CSMD3: variants seen among roughly 807,000 people sequenced by gnomAD.
CSMD3 encodes the protein CUB and Sushi multiple domains 3.
A neutral mutation model predicts 435.2 loss-of-function variants in CSMD3; 177 were observed. That is an observed-to-expected ratio of 0.41 (90% CI 0.36 to 0.46). The LOEUF (loss-of-function observed/expected upper bound fraction) is 0.46, where lower values mean the gene tolerates loss of function less well. Ranked by LOEUF, CSMD3 falls within the 20% of genes least tolerant of loss-of-function variation. The pLI is 0.34. For synonymous variants in CSMD3, 1,656 were observed against 1,520.5 expected (o/e 1.09, Z -2.07); for missense variants, 4,265 against 4,504.6 (o/e 0.95, Z 1.52).
chr8:112,577,028 G>T (rs1036010060), intron 23 of CSMD3, among the ~76,000 whole-genome samples: 4 of 151,922 alleles, frequency 2.6e-5, no homozygotes, highest in African/African-American at 4.8e-5. Flanking sequence ...GAGTCAAAAG[G>T]TAGAAAACAA....
At chr8:112,917,823 A>G (rs906483501) in intron 10 of CSMD3, among the ~76,000 whole-genome samples, 2 of 151,992 alleles carry the variant, frequency 1.3e-5, no homozygotes, top group African/African-American at 4.8e-5. Context: ...ATCTCACTCT[A>G]CATCCTTTCA....
At chr8:112,292,334 T>C (rs1819843889) in intron 55 of CSMD3, among the ~76,000 whole-genome samples, 1 of 152,126 alleles carries the variant, frequency 6.6e-6, no homozygotes. Context: ...AGAAATTAAC[T>C]CTACCACTTT....
At chr8:112,828,797 T>G (rs1331944818) in intron 12 of CSMD3, among the ~76,000 whole-genome samples, 1 of 152,120 alleles carries the variant, frequency 6.6e-6, no homozygotes, top group Non-Finnish European at 1.5e-5. Flanking sequence ...ATATCCACGT[T>G]GCAGACAGGG....
At chr8:113,337,655 T>G (rs2132821549) in intron 1 of CSMD3, among the ~76,000 whole-genome samples, 1 of 152,050 alleles carries the variant, frequency 6.6e-6, no homozygotes, top group East Asian at 1.9e-4. Flanking sequence ...AATTAAAAGC[T>G]TTGTGTGTTA....
chr8:112,696,584 T>C (rs1487481649), intron 13 of CSMD3, among the ~76,000 whole-genome samples: 1 of 152,192 alleles, frequency 6.6e-6, no homozygotes, highest in Non-Finnish European at 1.5e-5. Context: ...TCAAGATGGA[T>C]TGAAGACTTA....
intron 4 of CSMD3, among the ~76,000 whole-genome samples, chr8:113,133,740 T>C (rs979137747): frequency 1.3e-5 from 2 of 152,078 alleles, no homozygotes; most frequent in African/African-American, 2.4e-5. Flanking sequence ...GAATGGAATA[T>C]TATTGTCTTA....
In CSMD3 at chr8:112,318,751, T is replaced by C. The variant is rs574700047; in HGVS notation, c.7360+86A>G. 17 of 817,224 alleles carry C rather than the reference T, an allele frequency of 2.1e-5. No homozygotes were observed. In the East Asian group the frequency reaches 4.3e-4, roughly 21 times the overall value. 50.6% of individuals were successfully genotyped at this position (817,224 alleles called of 1,614,324 possible). A position where few individuals can be genotyped will look rare whatever the true frequency, so the allele number is the denominator to read the frequency against. ...TTTCCAGTTAAACATTTCATATTTATATAGATTTTTCTCAATCATACCTAT... is the reference window on the plus strand; with the variant it reads ...TTTCCAGTTAAACATTTCATATTTACATAGATTTTTCTCAATCATACCTAT... On this transcript the variant is annotated intron_variant, in intron 47 of 70. Transcript: ENST00000297405.
chr8:112,410,649 T>C (rs1297713716), intron 32 of CSMD3, among the ~76,000 whole-genome samples: 4 of 82,112 alleles, frequency 4.9e-5, no homozygotes, highest in Non-Finnish European at 8.7e-5. Flanking sequence ...TATATATATA[T>C]GTGTATATAT....
At chr8:112,800,088 C>T (rs188857583) in intron 13 of CSMD3, 74 bp downstream of exon 13, 251 of 980,426 alleles carry the variant, frequency 2.6e-4, no homozygotes, top group Non-Finnish European at 3.9e-4. Context: ...TTTGTAGATG[C>T]AATTAAACGT....
At chr8:112,263,982 T>C (rs1457070697) in intron 60 of CSMD3, among the ~76,000 whole-genome samples, 170 bp from the exon 61 acceptor site, 1 of 152,184 alleles carries the variant, frequency 6.6e-6, no homozygotes, top group Non-Finnish European at 1.5e-5. Context: ...TTCCTGGAAT[T>C]AATCCCTGCA....
At chr8:112,649,021 T>A (rs1357201443) in intron 19 of CSMD3, among the ~76,000 whole-genome samples, 9 of 152,192 alleles carry the variant, frequency 5.9e-5, no homozygotes, top group Non-Finnish European at 1.2e-4. Context: ...AAACTGAAGA[T>A]ACAGGGCTAT....
chr8:113,324,364 G>C (rs1388228809), intron 1 of CSMD3, among the ~76,000 whole-genome samples: 1 of 152,104 alleles, frequency 6.6e-6, no homozygotes, highest in Non-Finnish European at 1.5e-5. Flanking sequence ...TCTCTGGGCT[G>C]TGTGCAGCCT....
chr8:112,513,840 G>T (rs1480607687), intron 28 of CSMD3, among the ~76,000 whole-genome samples: 2 of 152,142 alleles, frequency 1.3e-5, no homozygotes, highest in African/African-American at 4.8e-5. Flanking sequence ...TAATTTTGGA[G>T]AGGGTAGGGG....
At chr8:113,372,494 T>C (rs1163403336) in intron 1 of CSMD3, among the ~76,000 whole-genome samples, 1 of 152,162 alleles carries the variant, frequency 6.6e-6, no homozygotes, top group South Asian at 2.1e-4. Flanking sequence ...GTTTTTTATG[T>C]CCTGATTTTG....
chr8:112,687,715 A>T (rs1164769936), intron 14 of CSMD3, among the ~76,000 whole-genome samples: 1 of 152,126 alleles, frequency 6.6e-6, no homozygotes, highest in Non-Finnish European at 1.5e-5. Context: ...CAGTCATTGG[A>T]TTGAATTCAG....
At chr8:112,618,526 G>GT (rs952352004) in intron 22 of CSMD3, among the ~76,000 whole-genome samples, 1 of 151,670 alleles carries the variant, frequency 6.6e-6, no homozygotes, top group African/African-American at 2.4e-5. Flanking sequence ...TTCTAATTTC[G>GT]CATTTTTAAA....
At chr8:113,419,233 C>A (rs2094598087) in intron 1 of CSMD3, among the ~76,000 whole-genome samples, 1 of 151,356 alleles carries the variant, frequency 6.6e-6, no homozygotes, top group Non-Finnish European at 1.5e-5. Flanking sequence ...ATTCTCCTGC[C>A]TCAGCCTCTG....
At chr8:112,900,056 C>T (rs1223282325) in intron 10 of CSMD3, among the ~76,000 whole-genome samples, 1 of 151,004 alleles carries the variant, frequency 6.6e-6, no homozygotes, top group East Asian at 2.0e-4. Context: ...CACATTTTTT[C>T]CAATCATTCT....
At chr8:112,896,710 C>T (rs1215552733) in intron 10 of CSMD3, among the ~76,000 whole-genome samples, 2 of 151,352 alleles carry the variant, frequency 1.3e-5, no homozygotes, top group African/African-American at 4.8e-5. Context: ...TATTTTGTTT[C>T]CATTTATATT....
Sources: allele counts gnomAD v4.1 joint callset (sites outside exome capture counted in the v4.1 genomes callset), GRCh38; gene constraint gnomAD v4.1.1; transcripts MANE v1.5; gene names NCBI Gene and HGNC (gene_info 2026-07-23, HGNC 2026-07-21).